Variants in ABCA13 observed in about 807,000 individuals in gnomAD.
ABCA13 encodes ATP-binding cassette sub-family A member 13.
Under a neutral mutation model 478.7 loss-of-function variants are expected in ABCA13, and 476 were observed. That is an observed-to-expected ratio of 0.99 (90% CI 0.92 to 1.07). The LOEUF is 1.07. Among genes scored for constraint, ABCA13 ranks in the 50% least tolerant of loss-of-function variants. ABCA13 has a pLI of 0.00. For missense variants in ABCA13, 6,060 were observed against 5,910.6 expected (o/e 1.03, Z -0.83); for synonymous variants, 2,252 against 2,158.9 (o/e 1.04, Z -1.20).
At chr7:48,533,200 A>G (rs894028895) in intron 55 of ABCA13, among the ~76,000 whole-genome samples, 1 of 152,046 alleles carries the variant, frequency 6.6e-6, no homozygotes, top group Non-Finnish European at 1.5e-5. Flanking sequence ...TTGTGTCACT[A>G]TTATCATTCA....
At chr7:48,642,676 T>C (rs1339997900) in intron 59 of ABCA13, among the ~76,000 whole-genome samples, 1 of 152,288 alleles carries the variant, frequency 6.6e-6, no homozygotes, top group Non-Finnish European at 1.5e-5. Context: ...CCTTAGGGTA[T>C]GAGTATGAGC....
At chr7:48,194,961 G>A (rs950042440) in intron 2 of ABCA13, among the ~76,000 whole-genome samples, 1 of 152,206 alleles carries the variant, frequency 6.6e-6, no homozygotes, top group African/African-American at 2.4e-5. Flanking sequence ...TCACTGTAGG[G>A]CCAGACTATT....
At chr7:48,630,383 A>G (rs1794067015) in intron 59 of ABCA13, among the ~76,000 whole-genome samples, 1 of 151,892 alleles carries the variant, frequency 6.6e-6, no homozygotes, top group Non-Finnish European at 1.5e-5. Context: ...TCGTTGTTTA[A>G]CTCCCACATA....
At position 48,403,723 on chromosome 7, in the gene ABCA13, C is replaced by A. The variant is rs749940299; in HGVS notation, c.11914C>A (p.Gln3972Lys). Residue 3972 changes from glutamine (Q) to lysine (K), a missense_variant, in exon 39 of 62, where the codon CAG (glutamine) becomes AAG (lysine). Around this residue, in one of 3 missense-constraint regions of ABCA13, gnomAD observed 1,627 missense variants for 1,571.0 expected, o/e 1.04. Transcript: ENST00000435803. ...GGACTTAACTCAGCATCAGCACAAACAGACCCGAGCTCTGTCTGGAGGCCT... is the reference window on the plus strand; with the variant it reads ...GGACTTAACTCAGCATCAGCACAAAAAGACCCGAGCTCTGTCTGGAGGCCT... Reference protein sequence around the residue: ...DVDLTQHQHKQTRALSGGLKR... With the variant: ...DVDLTQHQHKKTRALSGGLKR... 6.2e-7 allele frequency: 1 copy of A among 1,613,884 alleles called. No individual in the cohort carries two copies. Among genetic ancestry groups the A allele is most frequent in the Non-Finnish European group, 8.5e-7 (1 of 1,179,894 alleles).
chr7:48,273,501 G>T lies in ABCA13; in HGVS notation c.3835G>T (p.Glu1279Ter), dbSNP rs1795899343. The change falls in exon 17 of 62, where the codon GAG becomes TAG. Residue 1279 changes from glutamate to a stop codon, truncating the protein, a stop_gained. Coordinates refer to ENST00000435803, the MANE Select transcript of ABCA13 (RefSeq NM_152701.5). LOFTEE classifies it high-confidence loss of function. ...TFPFNESTSR[E>*]FLNSLLEVFI... ...TCCATTCAACGAAAGTACAAGCAGA[G>T]AGTTTTTAAATTCTCTGCTTGAAGT... is the stretch of plus-strand genomic sequence containing the variant. 1.0e-5 allele frequency: 16 copies of T among 1,597,770 alleles called. No individual in the cohort carries two copies. Among genetic ancestry groups the T allele is most frequent in the African/African-American group, 1.3e-5 (1 of 74,810 alleles).
intron 20 of ABCA13, among the ~76,000 whole-genome samples, chr7:48,294,288 C>T (rs1799015554): frequency 6.6e-6 from 1 of 152,036 alleles, no homozygotes; most frequent in Non-Finnish European, 1.5e-5. Flanking sequence ...ATATTGGCAA[C>T]TATAATTCTC....
chr7:48,411,707 C>T (rs192430113), intron 40 of ABCA13, among the ~76,000 whole-genome samples: 3 of 152,208 alleles, frequency 2.0e-5, no homozygotes, highest in Non-Finnish European at 4.4e-5. Context: ...GAGTCTGGCC[C>T]GAGAGGCTGA....
rs1206417893 is a variant in ABCA13 at position 48,368,702 on chromosome 7, TATATATATATATAC to T, written c.10803+796_10803+809del. ...GTGTGTATGTGTATATATATATATA[TATATATATATATAC>T]ACATACACACACACATTTATATATA... is the stretch of plus-strand genomic sequence containing the variant. On this transcript the variant is annotated intron_variant, in intron 32 of 61. Coordinates refer to ENST00000435803, the MANE Select transcript of ABCA13 (RefSeq NM_152701.5). Among the ~76,000 whole-genome samples, 51 of 141,130 alleles carry T rather than the reference TATATATATATATAC, an allele frequency of 3.6e-4. 1 individual carries two copies. The highest frequency in any genetic ancestry group is 7.0e-4 in the Non-Finnish European group (45 of 64,580). 92.6% of individuals were successfully genotyped at this position (141,130 alleles called of 152,430 possible). A position where few individuals can be genotyped will look rare whatever the true frequency, so the allele number is the denominator to read the frequency against.
At chr7:48,439,537 A>T (rs1252851737) in intron 42 of ABCA13, among the ~76,000 whole-genome samples, 4 of 152,184 alleles carry the variant, frequency 2.6e-5, no homozygotes, top group African/African-American at 9.6e-5. Context: ...TGACATAAAC[A>T]GTATCCCAAT....
intron 42 of ABCA13, among the ~76,000 whole-genome samples, chr7:48,448,571 C>A (rs556518301): frequency 6.6e-6 from 1 of 152,266 alleles, no homozygotes; most frequent in South Asian, 2.1e-4. Flanking sequence ...AGAACCAAAT[C>A]AATGATGAAT....
chr7:48,394,901 G>T (rs998232764), intron 38 of ABCA13, among the ~76,000 whole-genome samples: 4 of 152,022 alleles, frequency 2.6e-5, no homozygotes, highest in Non-Finnish European at 2.9e-5. Context: ...TCTACTGGGG[G>T]GTGTGTGAAG....
At chr7:48,585,470 C>T (rs966683868) in intron 56 of ABCA13, among the ~76,000 whole-genome samples, 9 of 152,122 alleles carry the variant, frequency 5.9e-5, no homozygotes, top group African/African-American at 2.2e-4. Flanking sequence ...TAAGACCAGT[C>T]CTTGAGCCTC....
chr7:48,309,427 C>T (rs535333511), intron 23 of ABCA13, among the ~76,000 whole-genome samples: 1 of 152,294 alleles, frequency 6.6e-6, no homozygotes, highest in South Asian at 2.1e-4. Context: ...AAGTTGTCCT[C>T]AGTGCCTCCT....
chr7:48,611,176 A>G (rs1447506655), intron 58 of ABCA13, among the ~76,000 whole-genome samples: 3 of 152,172 alleles, frequency 2.0e-5, no homozygotes. Context: ...ACAAAACTGA[A>G]CTATGCTCCA....
intron 55 of ABCA13, among the ~76,000 whole-genome samples, chr7:48,543,417 A>T (rs935951174): frequency 2.0e-5 from 3 of 151,738 alleles, no homozygotes; most frequent in African/African-American, 7.2e-5. Context: ...TGAGGTTAGG[A>T]GTTCGAGACC....
intron 41 of ABCA13, among the ~76,000 whole-genome samples, chr7:48,418,749 T>C (rs1200072563): frequency 6.6e-6 from 1 of 152,212 alleles, no homozygotes; most frequent in Non-Finnish European, 1.5e-5. Context: ...AAAACACATA[T>C]GCAGTGGTGT....
chr7:48,429,645 G>A (rs1162376034), intron 42 of ABCA13, among the ~76,000 whole-genome samples: 1 of 152,158 alleles, frequency 6.6e-6, no homozygotes, highest in African/African-American at 2.4e-5. Context: ...TTCTAGAGCT[G>A]GAAGAATTTC....
At chr7:48,428,176 C>G (rs1401697297) in intron 42 of ABCA13, among the ~76,000 whole-genome samples, 1 of 152,130 alleles carries the variant, frequency 6.6e-6, no homozygotes, top group East Asian at 1.9e-4. Context: ...TCTTATTTTA[C>G]CTTCATCACA....
At chr7:48,352,540 C>T (rs1022053596) in intron 31 of ABCA13, 53 bp downstream of exon 31, 1 of 1,470,668 alleles carries the variant, frequency 6.8e-7, no homozygotes, top group African/African-American at 1.4e-5. Flanking sequence ...TTGCATTTGT[C>T]TAGCTGAGGA....
Sources: allele counts gnomAD v4.1 joint callset (sites outside exome capture counted in the v4.1 genomes callset), GRCh38; gene constraint gnomAD v4.1.1; regional missense constraint gnomAD v4.1.1; transcripts MANE v1.5; gene names NCBI Gene and HGNC (gene_info 2026-07-23, HGNC 2026-07-21).